The following CKMT2 variants were observed in gnomAD, a reference collection of about 807,000 sequenced individuals.
CKMT2 encodes the protein creatine kinase, mitochondrial 2.
Under a neutral mutation model 48.9 loss-of-function variants are expected in CKMT2, and 43 were observed. The ratio of observed to expected loss-of-function variants is 0.88; its 90% CI spans 0.69 to 1.13. The LOEUF (loss-of-function observed/expected upper bound fraction) is 1.13, where lower values mean the gene tolerates loss of function less well. Among genes scored for constraint, CKMT2 ranks in the 50% most tolerant of loss-of-function variants. The probability of loss-of-function intolerance (pLI) is 0.00; values close to 1 mark genes in which losing one functional copy is unlikely to be tolerated. For synonymous variants in CKMT2, 206 were observed against 213.0 expected (o/e 0.97, Z 0.29); for missense variants, 472 against 555.4 (o/e 0.85, Z 1.51).
In CKMT2 at chr5:81,259,211, G is replaced by T. The variant is rs773390909; in HGVS notation, c.971G>T (p.Gly324Val). 2 of 1,614,068 alleles carry T rather than the reference G, an allele frequency of 1.2e-6. No homozygotes were observed. The highest frequency in any genetic ancestry group is 2.2e-5 in the East Asian group (1 of 44,856). ...ACCTGTCCTTCGAACCTTGGAACAG[G>T]ACTACGAGCTGGTGTCCACGTTAGG... ...ILTCPSNLGT[G>V]LRAGVHVRIP... Residue 324 changes from glycine (G) to valine (V), a missense_variant, in exon 8 of 10, where the codon GGA (glycine) becomes GTA (valine). By Grantham distance (109) the Gly-to-Val change is moderately radical (BLOSUM62 -3). Transcript: ENST00000254035.
At chr5:81,239,490 G>C (rs1366796573) in intron 1 of CKMT2, 3 of 152,250 alleles carry the variant, frequency 2.0e-5, no homozygotes, top group Non-Finnish European at 4.4e-5. Context: ...AAGCAGCTTT[G>C]GGGAGGGAGG....
chr5:81,262,675 G>C (rs950407786), intron 8 of CKMT2, among the ~76,000 whole-genome samples: 1 of 151,702 alleles, frequency 6.6e-6, no homozygotes, highest in African/African-American at 2.4e-5. Flanking sequence ...AAAAAGTCAG[G>C]AAACAGTTGC....
intron 1 of CKMT2, among the ~76,000 whole-genome samples, chr5:81,241,915 C>T (rs1425192402): frequency 6.6e-6 from 1 of 151,606 alleles, no homozygotes; most frequent in African/African-American, 2.4e-5. Context: ...ACTTGCTCCT[C>T]ATCTGATTCT....
At chr5:81,251,773 C>T (rs1229808223) in intron 2 of CKMT2, 1 of 154,512 alleles carries the variant, frequency 6.5e-6, no homozygotes, top group Admixed American at 6.4e-5. Flanking sequence ...AGAAGTGTAG[C>T]ATCGTCATTC....
chr5:81,256,912 C>A lies in CKMT2; in HGVS notation c.670-3C>A. On this transcript the variant is annotated splice_polypyrimidine_tract_variant and splice_region_variant and intron_variant, in intron 5 of 9. Transcript: ENST00000254035. ...TCTCTGCTTTATCCCTTTTGGCCTA[C>A]AGGACCACTTTCTGTTTGATAAGCC... 6.2e-7 allele frequency: 1 copy of A among 1,612,318 alleles called. No homozygotes were observed. Among genetic ancestry groups the A allele is most frequent in the Non-Finnish European group, 8.5e-7 (1 of 1,178,692 alleles).
intron 8 of CKMT2, among the ~76,000 whole-genome samples, chr5:81,259,905 C>T (rs1561287152): frequency 6.6e-6 from 1 of 152,182 alleles, no homozygotes; most frequent in East Asian, 1.9e-4. Flanking sequence ...CACCCAAAAT[C>T]AACAGAATAT....
At chr5:81,263,739 G>C (rs963929455) in intron 9 of CKMT2, 123 bp downstream of exon 9, 2 of 751,632 alleles carry the variant, frequency 2.7e-6, no homozygotes, top group Admixed American at 2.8e-5. Context: ...ATTGAGTCCT[G>C]AGTTATGTTA....
At chr5:81,238,769 C>G (rs1231794172) in intron 1 of CKMT2, 1 of 152,284 alleles carries the variant, frequency 6.6e-6, no homozygotes, top group African/African-American at 2.4e-5. Flanking sequence ...GTGATAGCCC[C>G]GAAGATTTTT....
chr5:81,259,145 G>A lies in CKMT2; in HGVS notation c.905G>A (p.Gly302Asp), dbSNP rs1269291507. The part of the protein sequence containing the change: ...KEVERLIQER[G>D]WEFMWNERLG... ...GTAGAACGGTTAATCCAAGAACGAG[G>A]CTGGGAGTTCATGTGGAATGAGCGC... The change falls in exon 8 of 10, where the codon GGC becomes GAC. Residue 302 changes from glycine (G) to aspartate (D), a missense_variant. Physicochemically the swap from Gly to Asp is moderately conservative, Grantham distance 94. Coordinates refer to ENST00000254035, the MANE Select transcript of CKMT2 (RefSeq NM_001099735.2). The A allele has an allele frequency of 6.2e-7, 1 of 1,613,578 alleles. No individual in the cohort carries two copies. The highest frequency in any genetic ancestry group is 1.3e-5 in the African/African-American group (1 of 74,898).
intron 1 of CKMT2, chr5:81,244,144 A>T: frequency 1.0e-6 from 1 of 985,490 alleles, no homozygotes; most frequent in Non-Finnish European, 1.2e-6. Flanking sequence ...GTTTTCTGCA[A>T]GTCCTCCACA....
chr5:81,242,198 C>CTA, intron 1 of CKMT2: 1 of 248,314 alleles, frequency 4.0e-6, no homozygotes. Flanking sequence ...AAAACCAGAA[C>CTA]TGAGTGTCTC....
chr5:81,251,325 G>A (rs373158462), intron 2 of CKMT2, 41 bp downstream of exon 2: 26 of 1,602,208 alleles, frequency 1.6e-5, no homozygotes, highest in African/African-American at 1.2e-4. Context: ...GGCCAGGCAC[G>A]GTGGCTCATG....
Position 81,252,640 on chromosome 5 carries a change from T to C in CKMT2, c.153-55T>C, listed in dbSNP as rs555822774. On this transcript the variant is annotated intron_variant, in intron 2 of 9. Transcript: ENST00000254035. ...GATGGGCAAACAACAAGTCCTTCCA[T>C]TGGCCCCTTTCCTCGGGGGCTGCTG... 2.2e-4 allele frequency: 348 copies of C among 1,576,690 alleles called. 2 individuals carry two copies. In the African/African-American group the frequency reaches 3.7e-3, roughly 17 times the overall value.
intron 5 of CKMT2, among the ~76,000 whole-genome samples, chr5:81,255,736 G>A (rs2112811755): frequency 6.6e-6 from 1 of 151,592 alleles, no homozygotes; most frequent in South Asian, 2.1e-4. Context: ...GCACCAGGGT[G>A]CACAAAACTC....
intron 7 of CKMT2, 94 bp from the exon 8 acceptor site, chr5:81,259,026 G>A: frequency 5.1e-6 from 6 of 1,169,942 alleles, no homozygotes; most frequent in Non-Finnish European, 7.3e-6. Flanking sequence ...CATGCCAGAG[G>A]AGGGTACACA....
In CKMT2 at chr5:81,257,729, T is replaced by A. The variant is rs747859131; in HGVS notation, c.756-4T>A. The A allele has an allele frequency of 3.7e-5, 59 of 1,609,418 alleles. No individual in the cohort carries two copies. The East Asian group carries it at 1.3e-3, about 35-fold the overall frequency. Reference sequence around the variant, plus strand: ...ACTCAGTACCATATTTCTCTCTTCATTAGGCATAATTATGATAAGACATTT... The same window carrying A: ...ACTCAGTACCATATTTCTCTCTTCAATAGGCATAATTATGATAAGACATTT... On this transcript the variant is annotated splice_polypyrimidine_tract_variant and splice_region_variant and intron_variant, in intron 6 of 9. Transcript: ENST00000254035.
At chr5:81,255,347 C>A (rs1756968190) in intron 5 of CKMT2, 133 bp downstream of exon 5, 2 of 727,552 alleles carry the variant, frequency 2.7e-6, no homozygotes, top group South Asian at 3.3e-5. Context: ...CTGAGCTCAG[C>A]CCAAGAGCAT....
chr5:81,252,752 C>A lies in CKMT2; in HGVS notation c.210C>A (p.Pro70=), dbSNP rs778061756. 1 of 1,614,232 alleles carries A rather than the reference C, an allele frequency of 6.2e-7. No homozygotes were observed. The highest frequency in any genetic ancestry group is 8.5e-7 in the Non-Finnish European group (1 of 1,180,046). The change falls in exon 3 of 10, where the codon CCC becomes CCA. Residue 70 remains proline, a synonymous_variant. Transcript: ENST00000254035. The part of the protein sequence containing the change: ...HNNCMAECLT[P]AIYAKLRNKV... ...ACTGCATGGCCGAGTGCCTCACCCCCGCCATTTATGCCAAGCTTCGCAACA... is the reference window on the plus strand; with the variant it reads ...ACTGCATGGCCGAGTGCCTCACCCCAGCCATTTATGCCAAGCTTCGCAACA...
At chr5:81,261,302 G>T (rs1320908619) in intron 8 of CKMT2, among the ~76,000 whole-genome samples, 3 of 152,200 alleles carry the variant, frequency 2.0e-5, no homozygotes, top group Admixed American at 6.6e-5. Context: ...ACAAGACAGG[G>T]ATGCCCTCTC....
Sources: allele counts gnomAD v4.1 joint callset (sites outside exome capture counted in the v4.1 genomes callset), GRCh38; gene constraint gnomAD v4.1.1; transcripts MANE v1.5; gene names NCBI Gene and HGNC (gene_info 2026-07-23, HGNC 2026-07-21).